FLVCR1: variants seen among roughly 807,000 people sequenced by gnomAD.
FLVCR1 encodes the protein choline/ethanolamine transporter FLVCR1.
A neutral mutation model predicts 53.6 loss-of-function variants in FLVCR1; 34 were observed. The ratio of observed to expected loss-of-function variants is 0.63; its 90% CI spans 0.48 to 0.84. The LOEUF (loss-of-function observed/expected upper bound fraction) is 0.84, where lower values mean the gene tolerates loss of function less well. FLVCR1 is among the 40% of genes least tolerant of loss of function. The probability of loss-of-function intolerance (pLI) is 0.00; values close to 1 mark genes in which losing one functional copy is unlikely to be tolerated. For missense variants in FLVCR1, 677 were observed against 696.7 expected (o/e 0.97, Z 0.32); for synonymous variants, 300 against 286.3 (o/e 1.05, Z -0.48).
intron 2 of FLVCR1, among the ~76,000 whole-genome samples, chr1:212,868,446 T>G (rs949653969): frequency 1.3e-5 from 2 of 150,772 alleles, no homozygotes; most frequent in African/African-American, 2.4e-5. Context: ...AGAGTTTAGC[T>G]CTTGTTGCCC....
chr1:212,860,021 G>A (rs1338829257), intron 1 of FLVCR1, among the ~76,000 whole-genome samples: 6 of 151,794 alleles, frequency 4.0e-5, no homozygotes, highest in South Asian at 4.1e-4. Context: ...GGTGGCTCAC[G>A]CCTGTAATCT....
chr1:212,879,290 C>T (rs1042066874), intron 3 of FLVCR1, among the ~76,000 whole-genome samples: 2 of 152,108 alleles, frequency 1.3e-5, no homozygotes, highest in Non-Finnish European at 2.9e-5. Flanking sequence ...AGTAGTTTCT[C>T]GACTTCATGT....
chr1:212,879,740 A>C (rs1401975199), intron 3 of FLVCR1, among the ~76,000 whole-genome samples: 3 of 152,096 alleles, frequency 2.0e-5, no homozygotes, highest in Non-Finnish European at 4.4e-5. Context: ...TATTTTTAGT[A>C]GAAATGGGGT....
Position 212,858,898 on chromosome 1 carries a change from T to C in FLVCR1, c.446T>C (p.Leu149Pro). The change falls in exon 1 of 10, where the codon CTG becomes CCG. Residue 149 changes from leucine to proline, a missense_variant. Coordinates refer to ENST00000366971, the MANE Select transcript of FLVCR1 (RefSeq NM_014053.4). ...YGVTLLHIDWLSMVYMLAYVP... is the reference protein window; with the variant it reads ...YGVTLLHIDWPSMVYMLAYVP... ...GTCACCTTGCTGCACATCGACTGGC[T>C]GTCCATGGTGTACATGCTGGCCTAC... is the stretch of plus-strand genomic sequence containing the variant. 1.9e-6 allele frequency: 3 copies of C among 1,614,258 alleles called. No homozygotes were observed. The highest frequency in any genetic ancestry group is 2.5e-6 in the Non-Finnish European group (3 of 1,180,052).
intron 1 of FLVCR1, among the ~76,000 whole-genome samples, chr1:212,861,269 A>G (rs1242400715): frequency 2.0e-5 from 3 of 152,164 alleles, no homozygotes; most frequent in Non-Finnish European, 2.9e-5. Context: ...CTGGCCTTGT[A>G]TGTAATGTCC....
At chr1:212,872,092 T>C (rs1251742058) in intron 2 of FLVCR1, among the ~76,000 whole-genome samples, 1 of 152,142 alleles carries the variant, frequency 6.6e-6, no homozygotes, top group Non-Finnish European at 1.5e-5. Context: ...CTTCCTCATA[T>C]CTGATTTTTT....
intron 8 of FLVCR1, among the ~76,000 whole-genome samples, chr1:212,891,519 A>T (rs899341593): frequency 6.6e-5 from 10 of 152,380 alleles, no homozygotes; most frequent in African/African-American, 2.2e-4. Flanking sequence ...TACTTTTACA[A>T]GAGATTCATG....
intron 2 of FLVCR1, among the ~76,000 whole-genome samples, chr1:212,866,725 C>T (rs898520327): frequency 9.2e-5 from 14 of 152,192 alleles, no homozygotes; most frequent in African/African-American, 3.1e-4. Context: ...TAATTATGTA[C>T]TCATGGCCTA....
intron 2 of FLVCR1, chr1:212,864,511 T>C (rs1270414588): frequency 1.3e-5 from 2 of 152,722 alleles, no homozygotes; most frequent in Admixed American, 6.5e-5. Flanking sequence ...TGGAAGAAGC[T>C]TTGGGAAGGT....
chr1:212,877,670 G>T lies in FLVCR1; in HGVS notation c.1024+4852G>T, dbSNP rs1420187987. ...TTTTCTCCCATTCTGTAAGTTGTCT[G>T]TTCACTCTGATGATAGTTTTTTTTT... is the stretch of plus-strand genomic sequence containing the variant. On this transcript the variant is annotated intron_variant, in intron 3 of 9. Transcript: ENST00000366971. Among the ~76,000 whole-genome samples the T allele has an allele frequency of 2.1e-5, 3 of 141,136 alleles. No homozygotes were observed. The Admixed American group carries it at 2.1e-4, about 10-fold the overall frequency. The allele number at this position is 141,136 out of a possible 152,430, so 92.6% of individuals were successfully genotyped here. A position where few individuals can be genotyped will look rare whatever the true frequency, so the allele number is the denominator to read the frequency against.
Position 212,858,330 on chromosome 1 carries a change from G to A in FLVCR1, c.-123G>A, listed in dbSNP as rs1266720853. The A allele has an allele frequency of 1.0e-6, 1 of 990,454 alleles. No homozygotes were observed. Among genetic ancestry groups the A allele is most frequent in the Non-Finnish European group, 1.4e-6 (1 of 710,702 alleles). The allele number at this position is 990,454 out of a possible 1,614,324, so 61.4% of individuals were successfully genotyped here. On this transcript the variant is annotated 5_prime_UTR_variant, in exon 1 of 10. Coordinates refer to ENST00000366971, the MANE Select transcript of FLVCR1 (RefSeq NM_014053.4). ...ATTGCGGTTCGCGGCGCGCGCCACC[G>A]GGGAAGGAGCGGTGGGCCGAGGGGT...
intron 2 of FLVCR1, among the ~76,000 whole-genome samples, 177 bp downstream of exon 2, chr1:212,864,046 A>G (rs1664336583): frequency 6.6e-6 from 1 of 152,120 alleles, no homozygotes; most frequent in African/African-American, 2.4e-5. Flanking sequence ...ATGGCCCACT[A>G]CATTTATTTT....
intron 1 of FLVCR1, among the ~76,000 whole-genome samples, chr1:212,862,483 T>C (rs763196380): frequency 6.6e-6 from 1 of 152,256 alleles, no homozygotes; most frequent in Non-Finnish European, 1.5e-5. Context: ...AGTTCATCCA[T>C]GTTGTAGCAC....
rs17019875 is a variant in FLVCR1, at chr1:212,895,569, T to C, written c.*279T>C. ...CATATTGTATCTGAAAGTAAGCTTC[T>C]TGACGTTTACTTTTTAAAAGTCGAT... On this transcript the variant is annotated 3_prime_UTR_variant, in exon 10 of 10. Transcript: ENST00000366971. 1.1e-3 allele frequency: 448 copies of C among 426,540 alleles called. 3 individuals carry two copies. The East Asian group carries it at 0.019, about 18-fold the overall frequency. 26.4% of individuals were successfully genotyped at this position (426,540 alleles called of 1,614,324 possible).
intron 3 of FLVCR1, among the ~76,000 whole-genome samples, chr1:212,881,539 A>G (rs1056373734): frequency 2.6e-5 from 4 of 152,092 alleles, no homozygotes; most frequent in Non-Finnish European, 5.9e-5. Context: ...GGGTTTCACC[A>G]TGTTGGCCAG....
Position 212,895,499 on chromosome 1 carries a change from A to G in FLVCR1, c.*209A>G. 1.7e-6 allele frequency: 1 copy of G among 581,050 alleles called. No individual in the cohort carries two copies. Among genetic ancestry groups the G allele is most frequent in the Non-Finnish European group, 3.1e-6 (1 of 324,834 alleles). 36.0% of individuals were successfully genotyped at this position (581,050 alleles called of 1,614,324 possible). A position where few individuals can be genotyped will look rare whatever the true frequency, so the allele number is the denominator to read the frequency against. ...TTCTTAAAATTCTTCTGTTTACATCATGTTAACACTACTGTTTATCTAATT... is the reference window on the plus strand; with the variant it reads ...TTCTTAAAATTCTTCTGTTTACATCGTGTTAACACTACTGTTTATCTAATT... On this transcript the variant is annotated 3_prime_UTR_variant, in exon 10 of 10. Transcript: ENST00000366971.
chr1:212,864,764 A>G (rs938927265), intron 2 of FLVCR1, among the ~76,000 whole-genome samples: 2 of 152,234 alleles, frequency 1.3e-5, no homozygotes, highest in African/African-American at 2.4e-5. Flanking sequence ...CAATGGCTAT[A>G]ATAGTAATGG....
rs1664147405 is a variant in FLVCR1 at position 212,859,310 on chromosome 1, G to T, written c.738+120G>T. 3.4e-6 allele frequency: 5 copies of T among 1,473,374 alleles called. No individual in the cohort carries two copies. The African/African-American group carries it at 6.9e-5, about 20-fold the overall frequency. The allele number at this position is 1,473,374 out of a possible 1,614,324, so 91.3% of individuals were successfully genotyped here. Reference sequence around the variant, plus strand: ...CAGGAGGTATTTGTCTATAAAAGAGGAGATGAAGCCGTTGAATAGGAGGCC... The same window carrying T: ...CAGGAGGTATTTGTCTATAAAAGAGTAGATGAAGCCGTTGAATAGGAGGCC... On this transcript the variant is annotated intron_variant, in intron 1 of 9. Coordinates refer to ENST00000366971, the MANE Select transcript of FLVCR1 (RefSeq NM_014053.4).
intron 1 of FLVCR1, among the ~76,000 whole-genome samples, chr1:212,863,187 A>G (rs1166775401): frequency 1.3e-5 from 2 of 152,240 alleles, no homozygotes; most frequent in African/African-American, 4.8e-5. Context: ...ACACAGCTTT[A>G]TAATAGCAGC....
Sources: gnomAD v4.1 joint callset for allele counts (sites outside exome capture counted in the v4.1 genomes callset) on GRCh38, gnomAD v4.1.1 for gene constraint, MANE v1.5 for transcripts, NCBI Gene and HGNC (gene_info 2026-07-23, HGNC 2026-07-21) for gene names.